Variants in FGD4 observed in about 807,000 individuals in gnomAD.
FGD4 encodes the protein FYVE, RhoGEF and PH domain containing 4.
Under a neutral mutation model 102.0 loss-of-function variants are expected in FGD4, and 42 were observed. That is an observed-to-expected ratio of 0.41 (90% CI 0.32 to 0.53). FGD4 has a LOEUF of 0.53. Ranked by LOEUF, FGD4 falls within the 20% of genes least tolerant of loss-of-function variation. The probability of loss-of-function intolerance (pLI) is 0.21; values close to 1 mark genes in which losing one functional copy is unlikely to be tolerated. For missense variants in FGD4, 902 were observed against 1,078.2 expected, an observed-to-expected ratio of 0.84 and a Z score of 2.29; for synonymous variants, 380 against 375.7, an observed-to-expected ratio of 1.01 and a Z score of -0.13.
chr12:32,642,542 A>T lies in FGD4; in HGVS notation c.*2009A>T, dbSNP rs1428217167. The T allele has an allele frequency of 1.3e-5, 2 of 152,134 alleles. No individual in the cohort carries two copies. Among genetic ancestry groups the T allele is most frequent in the Non-Finnish European group, 2.9e-5 (2 of 67,972 alleles). The allele number at this position is 152,134 out of a possible 1,614,324, so 9.4% of individuals were successfully genotyped here. ...AAAGCAAGAAGACTACACTTTCCCT[A>T]CCAAAACAGAAGTAACATGGACACA... On this transcript the variant is annotated 3_prime_UTR_variant, in exon 17 of 17. Transcript: ENST00000534526.
rs372149137 is a variant in FGD4, at chr12:32,641,247, A to G, written c.*714A>G. The G allele has an allele frequency of 6.6e-6, 1 of 152,272 alleles. No individual in the cohort carries two copies. The highest frequency in any genetic ancestry group is 6.5e-5 in the Admixed American group (1 of 15,282). The allele number at this position is 152,272 out of a possible 1,614,324, so 9.4% of individuals were successfully genotyped here. On this transcript the variant is annotated 3_prime_UTR_variant, in exon 17 of 17. Coordinates refer to ENST00000534526, the MANE Select transcript of FGD4 (RefSeq NM_001370298.3). The stretch of plus-strand genomic sequence containing the variant: ...GCATGGTTTATCGTGGAATTGAGCA[A>G]TGTTCTAAACTGAAGAAATGTTTTG...
At chr12:32,452,913 A>G (rs1408629116) in intron 1 of FGD4, among the ~76,000 whole-genome samples, 1 of 151,918 alleles carries the variant, frequency 6.6e-6, no homozygotes, top group Non-Finnish European at 1.5e-5. Context: ...GCTTGAGCCT[A>G]GCAGGTCGAG....
rs76122707 is a variant in FGD4, at chr12:32,552,799, CAG to C, written c.167-11335_167-11334del. On this transcript the variant is annotated intron_variant, in intron 1 of 16. Transcript: ENST00000534526. Reference sequence around the variant, plus strand: ...TGGAGTGTACCTTTTTTTTTTTTGACAGAGTTTCGCTCTTGTTGCCTAGGCTG... The same window carrying C: ...TGGAGTGTACCTTTTTTTTTTTTGACAGTTTCGCTCTTGTTGCCTAGGCTG... Among the ~76,000 whole-genome samples the C allele has an allele frequency of 7.3e-3, 1,058 of 144,810 alleles. 15 individuals carry two copies. The highest frequency in any genetic ancestry group is 0.053 in the South Asian group (238 of 4,498).
At chr12:32,583,795 C>G (rs79672285) in intron 4 of FGD4, among the ~76,000 whole-genome samples, 8,213 of 152,242 alleles carry the variant, frequency 0.054, 265 homozygotes, top group African/African-American at 0.061. Flanking sequence ...AGAAACAGGA[C>G]ATTGCAAAGT....
At chr12:32,460,776 A>G (rs551907137) in intron 1 of FGD4, among the ~76,000 whole-genome samples, 70 of 152,354 alleles carry the variant, frequency 4.6e-4, no homozygotes, top group Middle Eastern at 3.4e-3. Context: ...GATGTTAACA[A>G]TAATCTTCTG....
At chr12:32,567,361 A>T (rs1945269743) in intron 2 of FGD4, among the ~76,000 whole-genome samples, 1 of 152,178 alleles carries the variant, frequency 6.6e-6, no homozygotes. Flanking sequence ...TAGGACTCTT[A>T]TTCTAGGTGA....
chr12:32,473,606 G>C lies in FGD4; in HGVS notation c.166+73647G>C, dbSNP rs529062018. 7.2e-5 allele frequency among the ~76,000 whole-genome samples: 11 copies of C among 152,248 alleles called. No individual in the cohort carries two copies. In the Middle Eastern group the frequency reaches 0.01, roughly 141 times the overall value. On this transcript the variant is annotated intron_variant, in intron 1 of 16. Transcript: ENST00000534526. ...GTAACACTCACCGCGAGGGTCTGCG[G>C]CTTCATTCTTGAAGTCAGACCAAGA...
chr12:32,567,324 A>C (rs1205740151), intron 2 of FGD4, among the ~76,000 whole-genome samples: 1 of 152,156 alleles, frequency 6.6e-6, no homozygotes, highest in African/African-American at 2.4e-5. Flanking sequence ...GTTGCTACCC[A>C]CAACACTATG....
At chr12:32,633,733 C>T (rs746054182) in intron 15 of FGD4, 44 bp downstream of exon 15, 398 of 1,530,486 alleles carry the variant, frequency 2.6e-4, no homozygotes, top group Admixed American at 3.9e-4. Context: ...TTATTTTTTT[C>T]CCAACGGACT....
intron 1 of FGD4, among the ~76,000 whole-genome samples, chr12:32,492,367 T>C (rs1250050349): frequency 1.3e-5 from 2 of 152,208 alleles, no homozygotes; most frequent in African/African-American, 4.8e-5. Context: ...TCAAAATCAT[T>C]TCATAAAATT....
intron 1 of FGD4, among the ~76,000 whole-genome samples, chr12:32,408,950 G>A (rs1328588451): frequency 1.3e-5 from 2 of 152,114 alleles, no homozygotes; most frequent in African/African-American, 4.8e-5. Flanking sequence ...TGCCCTCTGG[G>A]AAGGTTCAGC....
chr12:32,637,734 T>C (rs1236738487), intron 15 of FGD4: 1 of 151,660 alleles, frequency 6.6e-6, no homozygotes, highest in East Asian at 1.9e-4. Flanking sequence ...CAAGCGAGAG[T>C]GAGCAAGTGT....
At chr12:32,581,853 G>GAA in intron 3 of FGD4, 107 bp from the exon 4 acceptor site, 1 of 1,233,502 alleles carries the variant, frequency 8.1e-7, no homozygotes, top group Non-Finnish European at 1.1e-6. Context: ...ATCAGAGATA[G>GAA]AAAAAAAAAG....
intron 4 of FGD4, among the ~76,000 whole-genome samples, chr12:32,596,792 G>T (rs538905223): frequency 1.4e-4 from 21 of 151,776 alleles, no homozygotes; most frequent in Non-Finnish European, 2.5e-4. Flanking sequence ...AAAATTAGCC[G>T]GCCGTCGTGG....
intron 10 of FGD4, among the ~76,000 whole-genome samples, chr12:32,619,116 C>A (rs994418733): frequency 6.6e-6 from 1 of 152,038 alleles, no homozygotes; most frequent in African/African-American, 2.4e-5. Flanking sequence ...ATTTATTGAA[C>A]TAATTTACTT....
rs916410455 is a variant in FGD4 at position 32,645,298 on chromosome 12, T to C, written c.*4765T>C. On this transcript the variant is annotated 3_prime_UTR_variant, in exon 17 of 17. Transcript: ENST00000534526. ...ATGTCTGTCTGTATATAAGACTTTTTTTTTTTTAACCAAACTAGCATTTCA... is the reference window on the plus strand; with the variant it reads ...ATGTCTGTCTGTATATAAGACTTTTCTTTTTTTAACCAAACTAGCATTTCA... 1 of 152,182 alleles carries C rather than the reference T, an allele frequency of 6.6e-6. No homozygotes were observed. Among genetic ancestry groups the C allele is most frequent in the Non-Finnish European group, 1.5e-5 (1 of 68,038 alleles). The allele number at this position is 152,182 out of a possible 1,614,324, so 9.4% of individuals were successfully genotyped here.
chr12:32,523,901 C>G (rs890669600), intron 1 of FGD4, among the ~76,000 whole-genome samples: 1 of 151,968 alleles, frequency 6.6e-6, no homozygotes. Context: ...TGGCGTGAAC[C>G]CGGGAGGCGG....
rs1449981659 is a variant in FGD4 at position 32,425,173 on chromosome 12, T to C, written c.166+25214T>C. Among the ~76,000 whole-genome samples, 3 of 152,210 alleles carry C rather than the reference T, an allele frequency of 2.0e-5. No individual in the cohort carries two copies. In the East Asian group the frequency reaches 5.8e-4, roughly 29 times the overall value. ...TGCCTATGTCCTGAATGGTATTGCTTAGGTTTTCTTCTAGGGCTTTTAAGG... is the reference window on the plus strand; with the variant it reads ...TGCCTATGTCCTGAATGGTATTGCTCAGGTTTTCTTCTAGGGCTTTTAAGG... On this transcript the variant is annotated intron_variant, in intron 1 of 16. Transcript: ENST00000534526.
At chr12:32,524,163 G>A (rs1286998874) in intron 1 of FGD4, among the ~76,000 whole-genome samples, 4 of 150,400 alleles carry the variant, frequency 2.7e-5, no homozygotes, top group South Asian at 4.2e-4. Context: ...TTGGGAGGCC[G>A]AGGCGGGCGA....
Sources: allele counts gnomAD v4.1 joint callset (sites outside exome capture counted in the v4.1 genomes callset), GRCh38; gene constraint gnomAD v4.1.1; transcripts MANE v1.5; gene names NCBI Gene and HGNC (gene_info 2026-07-23, HGNC 2026-07-21).